Variants in NBAS observed in about 807,000 individuals in gnomAD.
The protein encoded by NBAS is NAG/BC035112 fusion.
A neutral mutation model predicts 302.5 loss-of-function variants in NBAS; 219 were observed. That is an observed-to-expected ratio of 0.72 (90% CI 0.65 to 0.81). The LOEUF (loss-of-function observed/expected upper bound fraction) is 0.81, where lower values mean the gene tolerates loss of function less well. Among genes scored for constraint, NBAS ranks in the 30% least tolerant of loss-of-function variants. NBAS has a pLI of 0.00. For missense variants in NBAS, 2,932 were observed against 2,841.6 expected (o/e 1.03, Z -0.72); for synonymous variants, 1,118 against 1,021.6 (o/e 1.09, Z -1.80).
chr2:15,062,702 C>T, the NBAS span, among the ~76,000 whole-genome samples: 3 of 152,144 alleles, frequency 2.0e-5, no homozygotes, highest in South Asian at 6.2e-4. Flanking sequence ...TGGCTGACAC[C>T]TAAACTCTGA....
At chr2:15,126,045 A>G in the NBAS span, among the ~76,000 whole-genome samples, 1 of 152,186 alleles carries the variant, frequency 6.6e-6, no homozygotes, top group Non-Finnish European at 1.5e-5. Flanking sequence ...TGTTGGAGGT[A>G]GAGCCTGGTG....
At chr2:15,249,670 T>C (rs1038403606) in intron 44 of NBAS, among the ~76,000 whole-genome samples, 2 of 151,244 alleles carry the variant, frequency 1.3e-5, no homozygotes, top group African/African-American at 4.8e-5. Flanking sequence ...ACACCAATAA[T>C]GAACACAGAG....
intron 41 of NBAS, 35 bp from the exon 42 acceptor site, chr2:15,287,218 G>A (rs1434943485): frequency 6.5e-7 from 1 of 1,543,210 alleles, no homozygotes. Context: ...GGAAGGGAGA[G>A]AGGAGAAACA....
intron 11 of NBAS, among the ~76,000 whole-genome samples, chr2:15,502,165 T>G (rs1293299059): frequency 6.6e-6 from 1 of 152,152 alleles, no homozygotes; most frequent in Non-Finnish European, 1.5e-5. Flanking sequence ...ACTGGATAAG[T>G]GAGTTTAGGC....
chr2:15,500,232 A>G (rs550646947), intron 11 of NBAS, among the ~76,000 whole-genome samples: 35 of 152,326 alleles, frequency 2.3e-4, no homozygotes, highest in African/African-American at 7.9e-4. Flanking sequence ...TGTATTAAAA[A>G]TAAAGTAGTT....
At chr2:15,345,608 T>A (rs1673053276) in intron 35 of NBAS, among the ~76,000 whole-genome samples, 1 of 152,118 alleles carries the variant, frequency 6.6e-6, no homozygotes, top group African/African-American at 2.4e-5. Context: ...TTAATGCTAT[T>A]CCCATCAAAC....
intron 25 of NBAS, among the ~76,000 whole-genome samples, chr2:15,413,756 C>T (rs2148455327): frequency 6.6e-6 from 1 of 152,240 alleles, no homozygotes; most frequent in East Asian, 1.9e-4. Context: ...AAACTTTCCG[C>T]AGATCATGAC....
intron 21 of NBAS, among the ~76,000 whole-genome samples, chr2:15,451,872 T>A (rs890746801): frequency 3.3e-5 from 5 of 152,126 alleles, no homozygotes; most frequent in Non-Finnish European, 7.4e-5. Flanking sequence ...CTAGAGTTTA[T>A]CTTCATCCTT....
the NBAS span, among the ~76,000 whole-genome samples, chr2:15,135,456 G>GT: frequency 6.6e-6 from 1 of 152,152 alleles, no homozygotes; most frequent in Non-Finnish European, 1.5e-5. Flanking sequence ...GCGGGCACCC[G>GT]TGCTTGGGGT....
At chr2:14,792,407 C>T in the NBAS span, among the ~76,000 whole-genome samples, 6 of 152,042 alleles carry the variant, frequency 3.9e-5, no homozygotes, top group African/African-American at 9.7e-5. Context: ...ATTGAGTATT[C>T]GTGGTGTATC....
the NBAS span, among the ~76,000 whole-genome samples, chr2:14,823,548 T>G: frequency 6.6e-6 from 1 of 152,238 alleles, no homozygotes; most frequent in East Asian, 1.9e-4. Context: ...AAACCACAAA[T>G]CTGCCTTTCT....
At chr2:14,945,264 C>T in the NBAS span, among the ~76,000 whole-genome samples, 1 of 152,116 alleles carries the variant, frequency 6.6e-6, no homozygotes, top group Admixed American at 6.5e-5. Context: ...TAGAGCCAAA[C>T]AGGAGGCAGC....
the NBAS span, among the ~76,000 whole-genome samples, chr2:14,951,463 T>G: frequency 6.6e-6 from 1 of 152,170 alleles, no homozygotes; most frequent in Non-Finnish European, 1.5e-5. Context: ...ACGTCTGGAT[T>G]ATACCTGGAG....
At chr2:15,074,566 A>G in the NBAS span, among the ~76,000 whole-genome samples, 1 of 152,088 alleles carries the variant, frequency 6.6e-6, no homozygotes, top group Non-Finnish European at 1.5e-5. Context: ...TTTGATAAAA[A>G]TGAATAACTA....
the NBAS span, among the ~76,000 whole-genome samples, chr2:14,922,386 A>G: frequency 1.3e-5 from 2 of 152,234 alleles, no homozygotes; most frequent in African/African-American, 4.8e-5. Context: ...CTGCCAGAAC[A>G]AAATATCACA....
At chr2:15,065,244 A>G in the NBAS span, among the ~76,000 whole-genome samples, 61 of 152,156 alleles carry the variant, frequency 4.0e-4, 1 homozygote, top group Non-Finnish European at 3.2e-4. Context: ...TATATCAATT[A>G]TATCAAACCA....
At chr2:14,918,605 G>A in the NBAS span, among the ~76,000 whole-genome samples, 1 of 152,250 alleles carries the variant, frequency 6.6e-6, no homozygotes, top group African/African-American at 2.4e-5. Flanking sequence ...AGAGAAGGCT[G>A]TGGTCCTTAG....
chr2:14,788,981 C>T, the NBAS span, among the ~76,000 whole-genome samples: 25 of 152,220 alleles, frequency 1.6e-4, no homozygotes, highest in Non-Finnish European at 3.7e-4. Flanking sequence ...GTGGTGGGCT[C>T]CACCCAGTTG....
the NBAS span, among the ~76,000 whole-genome samples, chr2:15,030,242 C>T: frequency 6.6e-6 from 1 of 152,052 alleles, no homozygotes; most frequent in South Asian, 2.1e-4. Flanking sequence ...AATGAAAAAA[C>T]AGGACACATT....
Sources: gnomAD v4.1 joint callset for allele counts (sites outside exome capture counted in the v4.1 genomes callset) on GRCh38, gnomAD v4.1.1 for gene constraint, MANE v1.5 for transcripts, NCBI Gene and HGNC (gene_info 2026-07-23, HGNC 2026-07-21) for gene names.